VPS13C: variants seen among roughly 807,000 people sequenced by gnomAD.
The protein encoded by VPS13C is intermembrane lipid transfer protein VPS13C.
In VPS13C, 358 loss-of-function variants were observed where a neutral mutation model predicts 456.8. The observed-to-expected ratio is 0.78, with a 90% CI of 0.72 to 0.86. The LOEUF (loss-of-function observed/expected upper bound fraction) is 0.86, where lower values mean the gene tolerates loss of function less well. Among genes scored for constraint, VPS13C ranks in the 40% least tolerant of loss-of-function variants. VPS13C has a pLI of 0.00. For missense variants in VPS13C, 4,818 were observed against 4,385.4 expected, an observed-to-expected ratio of 1.10 and a Z score of -2.79; for synonymous variants, 1,578 against 1,486.7, an observed-to-expected ratio of 1.06 and a Z score of -1.41.
intron 67 of VPS13C, among the ~76,000 whole-genome samples, chr15:61,889,806 C>G (rs1272345391): frequency 6.6e-6 from 1 of 152,106 alleles, no homozygotes; most frequent in Non-Finnish European, 1.5e-5. Flanking sequence ...TACCTCTGTA[C>G]TTCCACTGTG....
chr15:61,922,807 C>G, intron 53 of VPS13C, 45 bp from the exon 54 acceptor site: 1 of 1,478,588 alleles, frequency 6.8e-7, no homozygotes. Flanking sequence ...AATTCTTTCC[C>G]AGATGAGAAT....
At chr15:61,918,351 A>C (rs2043539904) in intron 58 of VPS13C, 94 bp from the exon 59 acceptor site, 4 of 1,205,686 alleles carry the variant, frequency 3.3e-6, no homozygotes, top group Non-Finnish European at 3.4e-6. Flanking sequence ...GATCTAAAAA[A>C]TTTCAAACTC....
chr15:61,877,625 G>T (rs938726583), intron 74 of VPS13C, among the ~76,000 whole-genome samples: 3 of 151,662 alleles, frequency 2.0e-5, no homozygotes, highest in Non-Finnish European at 4.4e-5. Flanking sequence ...TCCAAAAAGA[G>T]AACTACTGAG....
chr15:62,001,552 G>A (rs895674558), intron 15 of VPS13C, among the ~76,000 whole-genome samples: 48 of 151,750 alleles, frequency 3.2e-4, no homozygotes, highest in Admixed American at 5.9e-4. Flanking sequence ...AAGTTTTAGG[G>A]TACATGTGCA....
At chr15:61,950,485 T>C in intron 40 of VPS13C, 68 bp from the exon 41 acceptor site, 1 of 1,193,784 alleles carries the variant, frequency 8.4e-7, no homozygotes, top group Non-Finnish European at 1.2e-6. Context: ...AAAATATACA[T>C]ATTCTTTACT....
chr15:61,865,504 T>C (rs1171869108), intron 81 of VPS13C: 2 of 972,796 alleles, frequency 2.1e-6, no homozygotes, highest in East Asian at 1.1e-4. Context: ...AAATGAGTAT[T>C]AAATGACTAT....
At chr15:61,961,343 G>A (rs1373497313) in intron 35 of VPS13C, among the ~76,000 whole-genome samples, 2 of 150,908 alleles carry the variant, frequency 1.3e-5, no homozygotes, top group African/African-American at 4.9e-5. Context: ...AGTGAGCCGA[G>A]ATCACGCCAC....
chr15:61,991,066 T>C lies in VPS13C; in HGVS notation c.1512A>G (p.Glu504=), dbSNP rs2046209051. The C allele has an allele frequency of 1.9e-6, 3 of 1,612,476 alleles. No homozygotes were observed. Residue 504 remains glutamate, a synonymous_variant, in exon 18 of 85, where the codon GAA becomes GAG. Coordinates refer to ENST00000644861, the MANE Select transcript of VPS13C (RefSeq NM_020821.3). The stretch of plus-strand genomic sequence containing the variant: ...CAATGGCAGTGAAGAGTTTATCTTT[T>C]TCCTCTGGAGTCATAAGGTCATCAA... ...ETIDDLMTPE[E]KDKLFTAIGY... is the part of the protein sequence containing the mutation.
In VPS13C at chr15:61,936,769, T is replaced by C. The variant is rs775031175; in HGVS notation, c.5602-19A>G. 4 of 1,587,284 alleles carry C rather than the reference T, an allele frequency of 2.5e-6. No homozygotes were observed. The highest frequency in any genetic ancestry group is 3.4e-6 in the Non-Finnish European group (4 of 1,171,084). On this transcript the variant is annotated intron_variant, in intron 47 of 84. Transcript: ENST00000644861. ...GAGCAACCTAGAAACCACCAATAAT[T>C]TGTTAACTCTAAGTAATAAAAAAAA...
chr15:61,876,529 C>T (rs1895438148), intron 75 of VPS13C, among the ~76,000 whole-genome samples: 1 of 151,854 alleles, frequency 6.6e-6, no homozygotes, highest in Non-Finnish European at 1.5e-5. Flanking sequence ...GGAGATGTCA[C>T]CATGCAGTTC....
At chr15:61,999,198 G>C (rs2046506582) in intron 16 of VPS13C, among the ~76,000 whole-genome samples, 1 of 152,068 alleles carries the variant, frequency 6.6e-6, no homozygotes, top group African/African-American at 2.4e-5. Context: ...GGCCAATGTG[G>C]TGAAACCCCA....
In VPS13C at chr15:62,010,510, C is replaced by G. The variant is rs531629108; in HGVS notation, c.973G>C (p.Glu325Gln). The G allele has an allele frequency of 1.9e-6, 3 of 1,613,120 alleles. No homozygotes were observed. The African/African-American group carries it at 4.0e-5, about 22-fold the overall frequency. ...LKTPKLDCNI[E>Q]IQNIAIELTK... ...AGTTCAATGGCAATATTTTGTATTTCTATGTTGCAATCCAGTTTGGGCGTT... is the reference window on the plus strand; with the variant it reads ...AGTTCAATGGCAATATTTTGTATTTGTATGTTGCAATCCAGTTTGGGCGTT... The change falls in exon 13 of 85, where the codon GAA (glutamate) becomes CAA (glutamine). Residue 325 changes from glutamate (E) to glutamine (Q), a missense_variant. Physicochemically the swap from Glu to Gln is conservative, Grantham distance 29. Coordinates refer to ENST00000644861, the MANE Select transcript of VPS13C (RefSeq NM_020821.3).
At position 61,867,909 on chromosome 15, in the gene VPS13C, T is replaced by C. The variant is rs1284585261; in HGVS notation, c.10863+750A>G. 1.2e-6 allele frequency: 2 copies of C among 1,607,304 alleles called. No homozygotes were observed. The highest frequency in any genetic ancestry group is 1.7e-6 in the Non-Finnish European group (2 of 1,176,468). On this transcript the variant is annotated intron_variant, in intron 81 of 84. Transcript: ENST00000644861. The surrounding 1 kb of genome is among the most constrained non-coding windows in gnomAD (Gnocchi z 5.0). ...GATTTTTAAGGATGAAATCAAGTAG[T>C]AGTTTAGGAAACATTTATTCCTGTA...
intron 48 of VPS13C, chr15:61,935,594 T>C (rs2140238511): frequency 6.6e-6 from 1 of 152,346 alleles, no homozygotes; most frequent in African/African-American, 2.4e-5. Context: ...AGTTTATTCA[T>C]CTCTACATAG....
intron 61 of VPS13C, among the ~76,000 whole-genome samples, chr15:61,913,938 C>A (rs1352537478): frequency 1.3e-5 from 2 of 152,070 alleles, no homozygotes; most frequent in Admixed American, 6.6e-5. Flanking sequence ...TGATACAAGA[C>A]TCAATGGGAT....
At position 61,985,011 on chromosome 15, in the gene VPS13C, G is replaced by A. The variant is rs140827102; in HGVS notation, c.1579-12C>T. The A allele has an allele frequency of 6.4e-6, 9 of 1,400,272 alleles. No individual in the cohort carries two copies. In the East Asian group the frequency reaches 2.1e-4, roughly 33 times the overall value. The allele number at this position is 1,400,272 out of a possible 1,614,324, so 86.7% of individuals were successfully genotyped here. Reference sequence around the variant, plus strand: ...ATATGGGCAACATACTATACAGAAAGAATGAAATTAAAATTGTTAAAGTTT... The same window carrying A: ...ATATGGGCAACATACTATACAGAAAAAATGAAATTAAAATTGTTAAAGTTT... On this transcript the variant is annotated splice_polypyrimidine_tract_variant and intron_variant, in intron 18 of 84. Transcript: ENST00000644861.
At chr15:62,041,023 C>T (rs1011887317) in intron 3 of VPS13C, among the ~76,000 whole-genome samples, 1 of 152,026 alleles carries the variant, frequency 6.6e-6, no homozygotes, top group Non-Finnish European at 1.5e-5. Flanking sequence ...AAAGAAAAAG[C>T]ACATAAAACT....
chr15:62,007,587 A>G (rs922799461), intron 14 of VPS13C, 108 bp from the exon 15 acceptor site: 126 of 948,894 alleles, frequency 1.3e-4, no homozygotes, highest in Non-Finnish European at 1.7e-4. Flanking sequence ...TGTTCTTCTT[A>G]ACTGTCTTCC....
intron 77 of VPS13C, 75 bp downstream of exon 77, chr15:61,874,799 ATT>A (rs1437067212): frequency 3.9e-6 from 5 of 1,294,190 alleles, no homozygotes; most frequent in African/African-American, 3.1e-5. Context: ...AAATAAAAGC[ATT>A]TGTTTTTCAT....
Sources: allele counts gnomAD v4.1 joint callset (sites outside exome capture counted in the v4.1 genomes callset), GRCh38; gene constraint gnomAD v4.1.1; non-coding constraint Gnocchi (gnomAD v3.1); transcripts MANE v1.5; gene names NCBI Gene and HGNC (gene_info 2026-07-23, HGNC 2026-07-21).